DOCK7: variants seen among roughly 807,000 people sequenced by gnomAD.
DOCK7 encodes the protein dedicator of cytokinesis protein 7.
A neutral mutation model predicts 271.0 loss-of-function variants in DOCK7; 138 were observed. The observed-to-expected ratio is 0.51, with a 90% CI of 0.44 to 0.59. The LOEUF (loss-of-function observed/expected upper bound fraction) is 0.59. Ranked by LOEUF, DOCK7 falls within the 20% of genes least tolerant of loss-of-function variation. The probability of loss-of-function intolerance (pLI) is 0.00; values close to 1 mark genes in which losing one functional copy is unlikely to be tolerated. For synonymous variants in DOCK7, 823 were observed against 876.1 expected (o/e 0.94, Z 1.07); for missense variants, 2,066 against 2,592.4 (o/e 0.80, Z 4.41).
intron 22 of DOCK7, among the ~76,000 whole-genome samples, chr1:62,547,288 A>T (rs1342125221): frequency 6.6e-6 from 1 of 152,226 alleles, no homozygotes; most frequent in African/African-American, 2.4e-5. Flanking sequence ...GCTAAGAGTT[A>T]TATCAAACAG....
At chr1:62,478,027 A>T in intron 43 of DOCK7, 1 of 535,238 alleles carries the variant, frequency 1.9e-6, no homozygotes, top group African/African-American at 1.9e-5. Context: ...AAGTATGCAA[A>T]TAGGGCTACT....
intron 31 of DOCK7, among the ~76,000 whole-genome samples, chr1:62,515,061 G>A (rs1644619544): frequency 6.6e-6 from 1 of 150,462 alleles, no homozygotes; most frequent in South Asian, 2.1e-4. Flanking sequence ...ATGACCAAAT[G>A]CTTTATGTGT....
chr1:62,533,236 T>C (rs984593939), intron 29 of DOCK7, among the ~76,000 whole-genome samples: 3 of 152,306 alleles, frequency 2.0e-5, no homozygotes, highest in East Asian at 1.9e-4. Context: ...AATTTTGAAA[T>C]AGTAAATTTC....
Position 62,480,079 on chromosome 1 carries a change from C to A in DOCK7, c.5509-2254G>T, listed in dbSNP as rs185869518. Among the ~76,000 whole-genome samples the A allele has an allele frequency of 2.5e-3, 380 of 152,252 alleles. 3 individuals are homozygous for A. Among genetic ancestry groups the A allele is most frequent in the Admixed American group, 0.023 (347 of 15,296 alleles). On this transcript the variant is annotated intron_variant, in intron 43 of 49. Coordinates refer to ENST00000635253, the MANE Select transcript of DOCK7 (RefSeq NM_001367561.1). ...TGGCCCTTTAAATATTTGAAGATAACAATTAGGACTTGTTCCCTTTAGTTA... is the reference window on the plus strand; with the variant it reads ...TGGCCCTTTAAATATTTGAAGATAAAAATTAGGACTTGTTCCCTTTAGTTA...
At chr1:62,524,145 G>A (rs545818282) in intron 31 of DOCK7, among the ~76,000 whole-genome samples, 22 of 152,188 alleles carry the variant, frequency 1.4e-4, no homozygotes, top group South Asian at 8.3e-4. Context: ...ACAAGTCTTC[G>A]GGGAAATACA....
chr1:62,527,794 G>T (rs1231784036), intron 31 of DOCK7, among the ~76,000 whole-genome samples: 4 of 150,136 alleles, frequency 2.7e-5, no homozygotes, highest in Non-Finnish European at 4.4e-5. Context: ...GAGTTACTGG[G>T]TGCAGCACAC....
chr1:62,465,292 G>A (rs1364200456), intron 48 of DOCK7, among the ~76,000 whole-genome samples: 1 of 152,094 alleles, frequency 6.6e-6, no homozygotes, highest in Admixed American at 6.5e-5. Context: ...TGTATTTAGT[G>A]CAACCATAAA....
intron 37 of DOCK7, among the ~76,000 whole-genome samples, chr1:62,501,803 T>C (rs1347035366): frequency 6.6e-6 from 1 of 152,098 alleles, no homozygotes; most frequent in African/African-American, 2.4e-5. Context: ...AGGTTATGAA[T>C]GACTAGATAA....
chr1:62,492,634 A>T (rs1260102907), intron 41 of DOCK7, 70 bp downstream of exon 41: 82 of 1,584,006 alleles, frequency 5.2e-5, no homozygotes, highest in Non-Finnish European at 6.8e-5. Context: ...AGCCAGAGAG[A>T]ATAAATACAC....
At chr1:62,652,061 C>T (rs540579254) in intron 4 of DOCK7, among the ~76,000 whole-genome samples, 1 of 152,248 alleles carries the variant, frequency 6.6e-6, no homozygotes, top group African/African-American at 2.4e-5. Context: ...GCCTAAGCCT[C>T]CACAATTACT....
At position 62,631,225 on chromosome 1, in the gene DOCK7, A is replaced by G; in HGVS notation, c.1282+15T>C. 6.4e-7 allele frequency: 1 copy of G among 1,565,162 alleles called. No individual in the cohort carries two copies. The highest frequency in any genetic ancestry group is 8.6e-7 in the Non-Finnish European group (1 of 1,161,430). On this transcript the variant is annotated intron_variant, in intron 11 of 49. Transcript: ENST00000635253. The stretch of plus-strand genomic sequence containing the variant: ...AAGTAAACATTTAGAAATGTTTTGT[A>G]TGAAACACTCTTACCTCCAGTACTG...
intron 30 of DOCK7, 21 bp from the exon 31 acceptor site, chr1:62,528,326 A>T: frequency 6.3e-7 from 1 of 1,589,342 alleles, no homozygotes; most frequent in East Asian, 2.3e-5. Context: ...ATAATCCAAA[A>T]AAATAAATAA....
chr1:62,643,950 C>T (rs1656339498), intron 7 of DOCK7, among the ~76,000 whole-genome samples: 1 of 151,866 alleles, frequency 6.6e-6, no homozygotes, highest in South Asian at 2.1e-4. Flanking sequence ...TAAAAATCTT[C>T]CTGGTCAATT....
intron 48 of DOCK7, among the ~76,000 whole-genome samples, chr1:62,471,852 A>C (rs957000084): frequency 6.6e-6 from 1 of 152,172 alleles, no homozygotes; most frequent in Non-Finnish European, 1.5e-5. Context: ...AGAATTTAAG[A>C]TTATAAGTAT....
intron 1 of DOCK7, among the ~76,000 whole-genome samples, chr1:62,670,252 C>T (rs1428056330): frequency 6.6e-6 from 1 of 152,270 alleles, no homozygotes. Context: ...TCCCATCAAC[C>T]ACCCAAGGGC....
chr1:62,621,705 C>G (rs1044706850), intron 12 of DOCK7, among the ~76,000 whole-genome samples: 5 of 152,092 alleles, frequency 3.3e-5, no homozygotes, highest in Admixed American at 1.3e-4. Context: ...GTTAGAAAAT[C>G]TGACTTTACA....
At chr1:62,602,460 AG>A in intron 14 of DOCK7, 1 of 1,241,084 alleles carries the variant, frequency 8.1e-7, no homozygotes, top group Non-Finnish European at 1.2e-6. Flanking sequence ...ACCAGGTATT[AG>A]GAAAAGTAGT....
intron 4 of DOCK7, among the ~76,000 whole-genome samples, chr1:62,652,821 G>A (rs1031791445): frequency 6.6e-6 from 1 of 152,094 alleles, no homozygotes; most frequent in Non-Finnish European, 1.5e-5. Context: ...TATCAAAATT[G>A]TAAGTTCATA....
chr1:62,503,241 T>C (rs908933351), intron 37 of DOCK7, among the ~76,000 whole-genome samples: 2 of 150,728 alleles, frequency 1.3e-5, no homozygotes, highest in African/African-American at 4.9e-5. Flanking sequence ...ATGTAATTAA[T>C]AAGGTGTATT....
Sources: gnomAD v4.1 joint callset for allele counts (sites outside exome capture counted in the v4.1 genomes callset) on GRCh38, gnomAD v4.1.1 for gene constraint, MANE v1.5 for transcripts, NCBI Gene and HGNC (gene_info 2026-07-23, HGNC 2026-07-21) for gene names.